HACD1: variants seen among roughly 807,000 people sequenced by gnomAD.
The protein encoded by HACD1 is 3-hydroxyacyl-CoA dehydratase 1.
A neutral mutation model predicts 32.0 loss-of-function variants in HACD1; 41 were observed. The ratio of observed to expected loss-of-function variants is 1.28; its 90% CI spans 1.00 to 1.66. The LOEUF (loss-of-function observed/expected upper bound fraction) is 1.66. Among genes scored for constraint, HACD1 ranks in the 40% most tolerant of loss-of-function variants. HACD1 has a pLI of 0.00. For synonymous variants in HACD1, 142 were observed against 139.0 expected, an observed-to-expected ratio of 1.02 and a Z score of -0.15; for missense variants, 396 against 380.1, an observed-to-expected ratio of 1.04 and a Z score of -0.35.
At position 17,590,324 on chromosome 10, in the gene HACD1, T is replaced by C; in HGVS notation, c.*40A>G. 1 of 1,408,724 alleles carries C rather than the reference T, an allele frequency of 7.1e-7. No homozygotes were observed. Among genetic ancestry groups the C allele is most frequent in the Non-Finnish European group, 9.8e-7 (1 of 1,023,072 alleles). 87.3% of individuals were successfully genotyped at this position (1,408,724 alleles called of 1,614,324 possible). A position where few individuals can be genotyped will look rare whatever the true frequency, so the allele number is the denominator to read the frequency against. On this transcript the variant is annotated 3_prime_UTR_variant, in exon 7 of 7. Coordinates refer to ENST00000361271, the MANE Select transcript of HACD1 (RefSeq NM_014241.4). ...TATTAAAACTTGGACTCAGGTAATC[T>C]TGGTTATTCTGGAAAAAGCACCTTG...
chr10:17,611,083 C>T (rs1460446671), intron 1 of HACD1, among the ~76,000 whole-genome samples: 1 of 150,516 alleles, frequency 6.6e-6, no homozygotes. Flanking sequence ...TCACTGCAAC[C>T]TCTGCCTCCC....
chr10:17,591,663 G>A (rs1554815582), intron 6 of HACD1, among the ~76,000 whole-genome samples: 1 of 152,144 alleles, frequency 6.6e-6, no homozygotes, highest in Non-Finnish European at 1.5e-5. Context: ...ATTAATATCA[G>A]CTATAAACAA....
intron 1 of HACD1, among the ~76,000 whole-genome samples, chr10:17,608,030 A>T (rs1834173073): frequency 6.6e-6 from 1 of 151,454 alleles, no homozygotes; most frequent in South Asian, 2.1e-4. Context: ...TTTTTTTTTT[A>T]GACAGATTCT....
In HACD1 at chr10:17,604,512, T is replaced by A. The variant is rs75638094; in HGVS notation, c.258-465A>T. Among the ~76,000 whole-genome samples, 1,295 of 150,126 alleles carry A rather than the reference T, an allele frequency of 8.6e-3. 19 individuals carry two copies. Among genetic ancestry groups the A allele is most frequent in the African/African-American group, 0.029 (1,207 of 41,004 alleles). On this transcript the variant is annotated intron_variant, in intron 1 of 6. Transcript: ENST00000361271. Reference sequence around the variant, plus strand: ...AAAAAAAAAAAAAAGAAATGTGGTCTATACAGACAATAGAATATTAGCCTT... The same window carrying A: ...AAAAAAAAAAAAAAGAAATGTGGTCAATACAGACAATAGAATATTAGCCTT...
chr10:17,592,776 G>A (rs572388966), intron 6 of HACD1, among the ~76,000 whole-genome samples: 25 of 152,166 alleles, frequency 1.6e-4, no homozygotes, highest in Non-Finnish European at 1.9e-4. Flanking sequence ...AATAGAGTAG[G>A]CATCCCCTCC....
rs1317008909 is a variant in HACD1 at position 17,590,232 on chromosome 10, C to A, written c.*132G>T. The A allele has an allele frequency of 8.4e-6, 5 of 597,588 alleles. No homozygotes were observed. Among genetic ancestry groups the A allele is most frequent in the Non-Finnish European group, 1.4e-5 (5 of 351,734 alleles). The allele number at this position is 597,588 out of a possible 1,614,324, so 37.0% of individuals were successfully genotyped here. A position where few individuals can be genotyped will look rare whatever the true frequency, so the allele number is the denominator to read the frequency against. On this transcript the variant is annotated 3_prime_UTR_variant, in exon 7 of 7. Coordinates refer to ENST00000361271, the MANE Select transcript of HACD1 (RefSeq NM_014241.4). Reference sequence around the variant, plus strand: ...GGAACACAAATACTGGCAAATACCACGTGTCTCAAGTTATATTTTAAGAAA... The same window carrying A: ...GGAACACAAATACTGGCAAATACCAAGTGTCTCAAGTTATATTTTAAGAAA...
rs558777332 is a variant in HACD1 at position 17,602,648 on chromosome 10, C to T, written c.483+912G>A. ...TCAAGCTAACGAACCTATGTATTAC[C>T]TTATGTACTTATTTATTTGTGGTAA... On this transcript the variant is annotated intron_variant, in intron 4 of 6. Transcript: ENST00000361271. Among the ~76,000 whole-genome samples the T allele has an allele frequency of 4.1e-4, 63 of 152,168 alleles. 1 individual carries two copies. The East Asian group carries it at 0.011, about 28-fold the overall frequency.
At position 17,617,201 on chromosome 10, in the gene HACD1, C is replaced by T. The variant is rs567827945; in HGVS notation, c.139G>A (p.Gly47Ser). 2 of 1,499,622 alleles carry T rather than the reference C, an allele frequency of 1.3e-6. No individual in the cohort carries two copies. The highest frequency in any genetic ancestry group is 8.9e-7 in the Non-Finnish European group (1 of 1,129,818). The allele number at this position is 1,499,622 out of a possible 1,614,324, so 92.9% of individuals were successfully genotyped here. ...AATMASSDEDGTNGGASEAGE... is the reference protein window; with the variant it reads ...AATMASSDEDSTNGGASEAGE... ...GCCTCCGAGGCGCCGCCGTTGGTGCCGTCCTCGTCGCTGGACGCCATGGTG... is the reference window on the plus strand; with the variant it reads ...GCCTCCGAGGCGCCGCCGTTGGTGCTGTCCTCGTCGCTGGACGCCATGGTG... Residue 47 changes from glycine (G) to serine (S), a missense_variant, in exon 1 of 7, where the codon GGC (glycine) becomes AGC (serine). By Grantham distance (56) the Gly-to-Ser change is moderately conservative (BLOSUM62 0). Transcript: ENST00000361271.
intron 1 of HACD1, among the ~76,000 whole-genome samples, chr10:17,616,234 A>T (rs930056822): frequency 8.6e-4 from 61 of 70,792 alleles, no homozygotes; most frequent in African/African-American, 3.9e-3. Flanking sequence ...CCGCCACTGC[A>T]CTCCAGCCAA....
intron 1 of HACD1, among the ~76,000 whole-genome samples, chr10:17,608,230 G>A (rs1834176613): frequency 6.6e-6 from 1 of 151,894 alleles, no homozygotes; most frequent in Non-Finnish European, 1.5e-5. Flanking sequence ...GTCTCCCTAT[G>A]TTGCCCAGGC....
chr10:17,603,434 T>C (rs1554816716), intron 4 of HACD1, 126 bp downstream of exon 4: 1 of 892,742 alleles, frequency 1.1e-6, no homozygotes, highest in Non-Finnish European at 1.7e-6. Flanking sequence ...CATCTAAAAC[T>C]CAAACCCAAC....
chr10:17,603,787 ACATT>A, intron 2 of HACD1, 43 bp from the exon 3 acceptor site: 1 of 1,563,722 alleles, frequency 6.4e-7, no homozygotes, highest in South Asian at 1.1e-5. Context: ...ATAATAGAAA[ACATT>A]AAATAAACCA....
chr10:17,594,097 G>A lies in HACD1; in HGVS notation c.784+108C>T, dbSNP rs1236448272. 1.1e-5 allele frequency: 11 copies of A among 1,046,772 alleles called. No individual in the cohort carries two copies. In the East Asian group the frequency reaches 2.4e-4, roughly 23 times the overall value. 64.8% of individuals were successfully genotyped at this position (1,046,772 alleles called of 1,614,324 possible). A position where few individuals can be genotyped will look rare whatever the true frequency, so the allele number is the denominator to read the frequency against. On this transcript the variant is annotated intron_variant, in intron 6 of 6. Coordinates refer to ENST00000361271, the MANE Select transcript of HACD1 (RefSeq NM_014241.4). ...TATGGAGTTAAACCGAAGTTTTAAT[G>A]TATTTGTAAGCAATTATTTCTAATT...
chr10:17,606,425 A>G (rs185043283), intron 1 of HACD1, among the ~76,000 whole-genome samples: 3 of 152,288 alleles, frequency 2.0e-5, no homozygotes, highest in Non-Finnish European at 2.9e-5. Flanking sequence ...AACTTACCTC[A>G]TCTGTAACTT....
chr10:17,607,912 G>T (rs140772921), intron 1 of HACD1, among the ~76,000 whole-genome samples: 1 of 152,220 alleles, frequency 6.6e-6, no homozygotes, highest in Non-Finnish European at 1.5e-5. Flanking sequence ...TCTCTTTAAG[G>T]GTCCTATATT....
chr10:17,608,614 G>C (rs575069906), intron 1 of HACD1, among the ~76,000 whole-genome samples: 85 of 151,988 alleles, frequency 5.6e-4, no homozygotes, highest in African/African-American at 1.9e-3. Flanking sequence ...AGCCTCCCAA[G>C]TGGCTGGGAT....
intron 4 of HACD1, among the ~76,000 whole-genome samples, chr10:17,600,607 T>C (rs112688991): frequency 0.011 from 1,613 of 152,220 alleles, 19 homozygotes; most frequent in African/African-American, 0.037. Context: ...ATTACAGGCA[T>C]GAGCCACCAT....
At chr10:17,607,925 A>T (rs782786457) in intron 1 of HACD1, among the ~76,000 whole-genome samples, 1 of 152,174 alleles carries the variant, frequency 6.6e-6, no homozygotes, top group Non-Finnish European at 1.5e-5. Flanking sequence ...CCTATATTGA[A>T]CTAGTTTTGA....
chr10:17,613,579 C>A (rs1588995905), intron 1 of HACD1, among the ~76,000 whole-genome samples: 2 of 152,192 alleles, frequency 1.3e-5, no homozygotes, highest in African/African-American at 4.8e-5. Context: ...TCAAATCTCA[C>A]CGCCTCTAGA....
Sources: allele counts gnomAD v4.1 joint callset (sites outside exome capture counted in the v4.1 genomes callset), GRCh38; gene constraint gnomAD v4.1.1; transcripts MANE v1.5; gene names NCBI Gene and HGNC (gene_info 2026-07-23, HGNC 2026-07-21).